SPRED1: variants seen among roughly 807,000 people sequenced by gnomAD.
SPRED1 encodes sprouty-related, EVH1 domain-containing protein 1.
In SPRED1, 18 loss-of-function variants were observed where a neutral mutation model predicts 52.3. The observed-to-expected ratio is 0.34, with a 90% CI of 0.24 to 0.51. The LOEUF is 0.51. Ranked by LOEUF, SPRED1 falls within the 20% of genes least tolerant of loss-of-function variation. The pLI is 0.97. For synonymous variants in SPRED1, 155 were observed against 179.7 expected, an observed-to-expected ratio of 0.86 and a Z score of 1.10; for missense variants, 485 against 551.0, an observed-to-expected ratio of 0.88 and a Z score of 1.20.
At chr15:38,294,783 A>G (rs941494595) in intron 1 of SPRED1, among the ~76,000 whole-genome samples, 1 of 152,218 alleles carries the variant, frequency 6.6e-6, no homozygotes, top group East Asian at 1.9e-4. Flanking sequence ...TTTTGTTTGT[A>G]TAGCAGTGGT....
At chr15:38,293,009 C>T (rs576531793) in intron 1 of SPRED1, among the ~76,000 whole-genome samples, 2 of 149,478 alleles carry the variant, frequency 1.3e-5, no homozygotes, top group Non-Finnish European at 3.0e-5. Flanking sequence ...TCATTTATTT[C>T]TTATAGCACT....
chr15:38,265,898 AT>A (rs1254690988), intron 1 of SPRED1, among the ~76,000 whole-genome samples: 1 of 152,034 alleles, frequency 6.6e-6, no homozygotes, highest in Non-Finnish European at 1.5e-5. Flanking sequence ...TTAGAATTTA[AT>A]TTTTTTGCAG....
rs1289017560 is a variant in SPRED1 at position 38,356,055 on chromosome 15, G to C, written c.*4391G>C. 1 of 152,156 alleles carries C rather than the reference G, an allele frequency of 6.6e-6. No homozygotes were observed. Among genetic ancestry groups the C allele is most frequent in the African/African-American group, 2.4e-5 (1 of 41,450 alleles). The allele number at this position is 152,156 out of a possible 1,614,324, so 9.4% of individuals were successfully genotyped here. A position where few individuals can be genotyped will look rare whatever the true frequency, so the allele number is the denominator to read the frequency against. On this transcript the variant is annotated 3_prime_UTR_variant, in exon 7 of 7. Transcript: ENST00000299084. Reference sequence around the variant, plus strand: ...CCTGAAAGCTTCTTAAATTGCATCAGTTGTTTTGAAATTTTTTCAAGAATA... The same window carrying C: ...CCTGAAAGCTTCTTAAATTGCATCACTTGTTTTGAAATTTTTTCAAGAATA...
chr15:38,326,688 A>G (rs1411366276), intron 4 of SPRED1, among the ~76,000 whole-genome samples: 3 of 152,186 alleles, frequency 2.0e-5, no homozygotes, highest in Admixed American at 6.5e-5. Flanking sequence ...CAAGATTCAC[A>G]AAGTTTTTCA....
At chr15:38,327,351 A>G (rs1160033849) in intron 4 of SPRED1, among the ~76,000 whole-genome samples, 1 of 152,206 alleles carries the variant, frequency 6.6e-6, no homozygotes, top group African/African-American at 2.4e-5. Context: ...TACTTCTCTC[A>G]TCATTGGAGT....
At chr15:38,256,779 AC>A (rs1309849406) in intron 1 of SPRED1, among the ~76,000 whole-genome samples, 1 of 151,978 alleles carries the variant, frequency 6.6e-6, no homozygotes, top group Non-Finnish European at 1.5e-5. Flanking sequence ...ACATATGTTC[AC>A]CCCATACATT....
intron 4 of SPRED1, chr15:38,326,422 A>G (rs180691396): frequency 7.2e-5 from 11 of 152,302 alleles, no homozygotes; most frequent in Admixed American, 6.5e-4. Context: ...AGTATGTCAA[A>G]TGGCTAAGAT....
intron 4 of SPRED1, among the ~76,000 whole-genome samples, chr15:38,335,539 T>C (rs748913451): frequency 4.2e-5 from 4 of 94,978 alleles, no homozygotes; most frequent in African/African-American, 6.6e-5. Context: ...TCAGAAGGAT[T>C]TGGGCAAAGG....
chr15:38,312,724 T>A (rs1268405336), intron 2 of SPRED1, among the ~76,000 whole-genome samples: 2 of 152,066 alleles, frequency 1.3e-5, no homozygotes, highest in Admixed American at 6.6e-5. Flanking sequence ...GTTTGGTAAG[T>A]TACAGTTTTT....
chr15:38,295,379 A>G (rs1895013566), intron 1 of SPRED1, among the ~76,000 whole-genome samples: 1 of 152,190 alleles, frequency 6.6e-6, no homozygotes, highest in East Asian at 1.9e-4. Flanking sequence ...GGCTTGCTGT[A>G]CAGCATGTTG....
chr15:38,269,150 GC>G (rs1364080213), intron 1 of SPRED1, among the ~76,000 whole-genome samples: 3 of 152,008 alleles, frequency 2.0e-5, no homozygotes, highest in Non-Finnish European at 2.9e-5. Context: ...CCGTGTGTTA[GC>G]CAGGGTGGTC....
At chr15:38,261,998 CTT>C (rs35445689) in intron 1 of SPRED1, among the ~76,000 whole-genome samples, 2 of 135,660 alleles carry the variant, frequency 1.5e-5, no homozygotes. Context: ...TCACCAAACT[CTT>C]TTTTTTTTTT....
At chr15:38,307,173 T>C (rs910265702) in intron 2 of SPRED1, among the ~76,000 whole-genome samples, 3 of 152,236 alleles carry the variant, frequency 2.0e-5, no homozygotes, top group African/African-American at 7.2e-5. Flanking sequence ...ACATTCTAAA[T>C]TATAATTTGA....
At chr15:38,350,674 G>A (rs1888462901) in intron 6 of SPRED1, among the ~76,000 whole-genome samples, 1 of 152,122 alleles carries the variant, frequency 6.6e-6, no homozygotes, top group Admixed American at 6.5e-5. Flanking sequence ...AATAGTAGAG[G>A]TACAGATCCA....
chr15:38,259,251 T>G (rs1007823699), intron 1 of SPRED1, among the ~76,000 whole-genome samples: 2 of 152,196 alleles, frequency 1.3e-5, no homozygotes, highest in Admixed American at 6.5e-5. Flanking sequence ...TTGTTTTTTA[T>G]GTATTTATTT....
At chr15:38,324,053 A>G (rs888657191) in intron 3 of SPRED1, among the ~76,000 whole-genome samples, 1 of 152,158 alleles carries the variant, frequency 6.6e-6, no homozygotes, top group East Asian at 1.9e-4. Flanking sequence ...AACAATCTCA[A>G]ATTGCTTTTA....
At chr15:38,340,692 G>T (rs773399917) in intron 5 of SPRED1, among the ~76,000 whole-genome samples, 1 of 151,868 alleles carries the variant, frequency 6.6e-6, no homozygotes, top group Non-Finnish European at 1.5e-5. Context: ...GCCACCACAC[G>T]TGGCTAATTT....
intron 1 of SPRED1, among the ~76,000 whole-genome samples, chr15:38,256,743 G>A (rs1253225796): frequency 6.6e-6 from 1 of 152,058 alleles, no homozygotes; most frequent in East Asian, 1.9e-4. Context: ...ACCCAGTGGT[G>A]AGTTATTTTT....
chr15:38,332,501 A>G (rs1895825153), intron 4 of SPRED1, among the ~76,000 whole-genome samples: 1 of 152,126 alleles, frequency 6.6e-6, no homozygotes, highest in Non-Finnish European at 1.5e-5. Context: ...TGAGCCTAGA[A>G]GGTCAAGGTT....
Sources: gnomAD v4.1 joint callset for allele counts (sites outside exome capture counted in the v4.1 genomes callset) on GRCh38, gnomAD v4.1.1 for gene constraint, MANE v1.5 for transcripts, NCBI Gene and HGNC (gene_info 2026-07-23, HGNC 2026-07-21) for gene names.